ADAMTS2: variants seen among roughly 807,000 people sequenced by gnomAD.
The protein encoded by ADAMTS2 is ADAM metallopeptidase with thrombospondin type 1 motif 2.
In ADAMTS2, 50 loss-of-function variants were observed where a neutral mutation model predicts 123.0. The ratio of observed to expected loss-of-function variants is 0.41; its 90% CI spans 0.32 to 0.51. The LOEUF (loss-of-function observed/expected upper bound fraction) is 0.51. Among genes scored for constraint, ADAMTS2 ranks in the 20% least tolerant of loss-of-function variants. The pLI is 0.35. For missense variants in ADAMTS2, 1,494 were observed against 1,705.2 expected, an observed-to-expected ratio of 0.88 and a Z score of 2.18; for synonymous variants, 678 against 695.4, an observed-to-expected ratio of 0.98 and a Z score of 0.39.
At position 179,272,105 on chromosome 5, in the gene ADAMTS2, TATGGGCCTGCAGAACCACATCAGACAC is replaced by T. The variant is rs966631603; in HGVS notation, c.688+779_688+805del. On this transcript the variant is annotated intron_variant, in intron 3 of 21. Transcript: ENST00000251582. This position sits in a 1 kb window ranked among gnomAD's most constrained non-coding sequence, Gnocchi z 5.8. ...TGACCACACGGGGGACCCTGAGAAC[TATGGGCCTGCAGAACCACATCAGACAC>T]CAACCCTGGCTTCACCACAATCCAG... is the stretch of plus-strand genomic sequence containing the variant. 1.2e-4 allele frequency among the ~76,000 whole-genome samples: 19 copies of T among 152,278 alleles called. No homozygotes were observed. The South Asian group carries it at 1.9e-3, about 15-fold the overall frequency.
In ADAMTS2 at chr5:179,286,660, C is replaced by G. The variant is rs377702044; in HGVS notation, c.535-13596G>C. On this transcript the variant is annotated intron_variant, in intron 2 of 21. Transcript: ENST00000251582. ...ATGCTGCCCAGGTAGACTGCCAGCA[C>G]CCCCTCCCACAAAAGGTCGGGGCCG... Among the ~76,000 whole-genome samples, 527 of 152,322 alleles carry G rather than the reference C, an allele frequency of 3.5e-3. 1 individual carries two copies. Among genetic ancestry groups the G allele is most frequent in the South Asian group, 0.013 (64 of 4,826 alleles).
At chr5:179,125,202 C>T (rs772539558) in intron 18 of ADAMTS2, 22 bp from the exon 19 acceptor site, 9 of 1,609,440 alleles carry the variant, frequency 5.6e-6, no homozygotes, top group Middle Eastern at 1.7e-4. Flanking sequence ...GAGCGGGGCA[C>T]AGTCAGGCTT....
rs569057029 is a variant in ADAMTS2 at position 179,123,669 on chromosome 5, T to G, written c.2959-896A>C. ...GTCTCTAACACCTGAGTTCAGGCGA[T>G]CCACCCGCCTGGGCCTCCCAAAGTG... On this transcript the variant is annotated intron_variant, in intron 19 of 21. Transcript: ENST00000251582. 2.0e-5 allele frequency among the ~76,000 whole-genome samples: 3 copies of G among 152,224 alleles called. No individual in the cohort carries two copies. The South Asian group carries it at 6.2e-4, about 31-fold the overall frequency.
chr5:179,220,151 G>A (rs1247051025), intron 3 of ADAMTS2, among the ~76,000 whole-genome samples: 2 of 152,382 alleles, frequency 1.3e-5, no homozygotes, highest in African/African-American at 2.4e-5. Context: ...AGTGGTGGGG[G>A]CCGATGGAGA....
At chr5:179,116,469 A>G (rs1349069636) in intron 21 of ADAMTS2, among the ~76,000 whole-genome samples, 1 of 151,514 alleles carries the variant, frequency 6.6e-6, no homozygotes, top group Non-Finnish European at 1.5e-5. Context: ...GCATCGCCTG[A>G]CCTCCTTGAG....
chr5:179,269,058 C>T (rs1457494076), intron 3 of ADAMTS2, among the ~76,000 whole-genome samples: 2 of 152,182 alleles, frequency 1.3e-5, no homozygotes, highest in Non-Finnish European at 2.9e-5. Context: ...GTAATCAAGG[C>T]ATCCTTGCAA....
At chr5:179,327,825 A>G (rs148995300) in intron 2 of ADAMTS2, among the ~76,000 whole-genome samples, 124 of 152,272 alleles carry the variant, frequency 8.1e-4, no homozygotes, top group African/African-American at 2.9e-3. Flanking sequence ...CATAAAACGA[A>G]AACATGTTGA....
intron 4 of ADAMTS2, 116 bp downstream of exon 4, chr5:179,207,397 C>G: frequency 8.8e-7 from 1 of 1,132,384 alleles, no homozygotes; most frequent in Non-Finnish European, 1.3e-6. Context: ...TCACCTCCGG[C>G]TAACAAGGAA....
Position 179,155,021 on chromosome 5 carries a change from GC to G in ADAMTS2, c.1133-103del. 2 of 1,047,204 alleles carry G rather than the reference GC, an allele frequency of 1.9e-6. No individual in the cohort carries two copies. The highest frequency in any genetic ancestry group is 2.9e-6 in the Non-Finnish European group (2 of 689,776). The allele number at this position is 1,047,204 out of a possible 1,614,324, so 64.9% of individuals were successfully genotyped here. On this transcript the variant is annotated intron_variant, in intron 6 of 21. Transcript: ENST00000251582. The surrounding 1 kb of genome is among the most constrained non-coding windows in gnomAD (Gnocchi z 5.1). ...CGCTGCTTCTCCTCAAGGCCCCAAT[GC>G]CCTCTCTACCACAGGCAACTGCCCC...
In ADAMTS2 at chr5:179,300,603, C is replaced by A. The variant is rs553105126; in HGVS notation, c.535-27539G>T. On this transcript the variant is annotated intron_variant, in intron 2 of 21. Transcript: ENST00000251582. ...TTGAGCTGCCTGAGGACAAGCCAGACCCCCCTTCACTTCTGTGGCTCTAGC... is the reference window on the plus strand; with the variant it reads ...TTGAGCTGCCTGAGGACAAGCCAGAACCCCCTTCACTTCTGTGGCTCTAGC... Among the ~76,000 whole-genome samples, 12 of 152,238 alleles carry A rather than the reference C, an allele frequency of 7.9e-5. 1 individual carries two copies. The highest frequency in any genetic ancestry group is 2.9e-4 in the African/African-American group (12 of 41,536).
At chr5:179,147,563 T>G (rs932542457) in intron 10 of ADAMTS2, among the ~76,000 whole-genome samples, 2 of 152,208 alleles carry the variant, frequency 1.3e-5, no homozygotes, top group Non-Finnish European at 2.9e-5. Context: ...CACCTTTTTC[T>G]GCAAAGATCT....
rs144251690 is a variant in ADAMTS2 at position 179,269,222 on chromosome 5, C to A, written c.688+3689G>T. ...TCTCCCCTGGAGCCTCTGGAGGGAG[C>A]ACAGCCCTGTCCACCCTTGATCTTG... On this transcript the variant is annotated intron_variant, in intron 3 of 21. Transcript: ENST00000251582. Among the ~76,000 whole-genome samples, 505 of 152,312 alleles carry A rather than the reference C, an allele frequency of 3.3e-3. 3 individuals carry two copies. The highest frequency in any genetic ancestry group is 0.012 in the African/African-American group (487 of 41,568).
chr5:179,181,210 G>T lies in ADAMTS2; in HGVS notation c.892-55C>A. 1.5e-6 allele frequency: 2 copies of T among 1,333,012 alleles called. No homozygotes were observed. The highest frequency in any genetic ancestry group is 2.3e-5 in the East Asian group (1 of 43,578). The allele number at this position is 1,333,012 out of a possible 1,614,324, so 82.6% of individuals were successfully genotyped here. A position where few individuals can be genotyped will look rare whatever the true frequency, so the allele number is the denominator to read the frequency against. On this transcript the variant is annotated intron_variant, in intron 4 of 21. Transcript: ENST00000251582. The surrounding 1 kb of genome is among the most constrained non-coding windows in gnomAD (Gnocchi z 4.1). ...ACCACAGGCCCTAGGACTGGCTCTG[G>T]CTCTGCCAATGGGATGACCCCCACC...
At chr5:179,255,957 G>T (rs1032124669) in intron 3 of ADAMTS2, among the ~76,000 whole-genome samples, 2 of 152,126 alleles carry the variant, frequency 1.3e-5, no homozygotes, top group African/African-American at 4.8e-5. Context: ...GCTCCCCACT[G>T]GCTGCTCTGG....
At position 179,129,748 on chromosome 5, in the gene ADAMTS2, G is replaced by A. The variant is rs1762926755; in HGVS notation, c.2457+184C>T. Among the ~76,000 whole-genome samples the A allele has an allele frequency of 6.6e-6, 1 of 152,194 alleles. No homozygotes were observed. The highest frequency in any genetic ancestry group is 2.1e-4 in the South Asian group (1 of 4,834). On this transcript the variant is annotated intron_variant, in intron 16 of 21. Coordinates refer to ENST00000251582, the MANE Select transcript of ADAMTS2 (RefSeq NM_014244.5). The surrounding 1 kb of genome is among the most constrained non-coding windows in gnomAD (Gnocchi z 4.1). The stretch of plus-strand genomic sequence containing the variant: ...GGGTCATGTGGGGTCCAGAGCCCCG[G>A]CTCGTGGATGCATGTCCCTTCCTGG...
chr5:179,191,358 G>A (rs1032891290), intron 4 of ADAMTS2, among the ~76,000 whole-genome samples: 14 of 152,124 alleles, frequency 9.2e-5, no homozygotes, highest in Non-Finnish European at 1.6e-4. Context: ...GCCAGGGCTC[G>A]TGCCACCCCC....
chr5:179,127,114 C>T (rs1581140059), intron 17 of ADAMTS2, among the ~76,000 whole-genome samples: 1 of 152,336 alleles, frequency 6.6e-6, no homozygotes, highest in East Asian at 1.9e-4. Context: ...CAAACGGTTA[C>T]TTTGGGGTGA....
intron 3 of ADAMTS2, among the ~76,000 whole-genome samples, chr5:179,253,821 C>G (rs980603285): frequency 2.0e-5 from 3 of 152,160 alleles, no homozygotes; most frequent in African/African-American, 7.2e-5. Flanking sequence ...AGAGGTGACA[C>G]GCCATGTCCA....
rs1764600286 is a variant in ADAMTS2, at chr5:179,202,818, G to T, written c.891+4695C>A. ...ACACATGGCTTCCAAGGTTTCCGTG[G>T]CAGGGGAGACAGAGATGGAGGGGAC... On this transcript the variant is annotated intron_variant, in intron 4 of 21. Coordinates refer to ENST00000251582, the MANE Select transcript of ADAMTS2 (RefSeq NM_014244.5). The surrounding 1 kb of genome is among the most constrained non-coding windows in gnomAD (Gnocchi z 4.0). Among the ~76,000 whole-genome samples the T allele has an allele frequency of 6.6e-6, 1 of 152,208 alleles. No individual in the cohort carries two copies. Among genetic ancestry groups the T allele is most frequent in the African/African-American group, 2.4e-5 (1 of 41,442 alleles).
Sources: gnomAD v4.1 joint callset for allele counts (sites outside exome capture counted in the v4.1 genomes callset) on GRCh38, gnomAD v4.1.1 for gene constraint, Gnocchi (gnomAD v3.1) non-coding constraint, MANE v1.5 for transcripts, NCBI Gene and HGNC (gene_info 2026-07-23, HGNC 2026-07-21) for gene names.